Variants in RAB3C observed in about 807,000 individuals in gnomAD.
RAB3C encodes the protein RAB3C, member RAS oncogene family.
Under a neutral mutation model 26.4 loss-of-function variants are expected in RAB3C, and 17 were observed. That is an observed-to-expected ratio of 0.64 (90% CI 0.44 to 0.97). The LOEUF is 0.97. RAB3C is among the 50% of genes least tolerant of loss of function. The pLI is 0.00. For missense variants in RAB3C, 242 were observed against 281.9 expected (o/e 0.86, Z 1.01); for synonymous variants, 91 against 95.9 (o/e 0.95, Z 0.30).
Position 58,673,924 on chromosome 5 carries a change from T to C in RAB3C, c.253-52078T>C, listed in dbSNP as rs114034243. Among the ~76,000 whole-genome samples the C allele has an allele frequency of 3.3e-3, 500 of 152,222 alleles. 1 individual carries two copies. The highest frequency in any genetic ancestry group is 0.011 in the African/African-American group (451 of 41,532). Reference sequence around the variant, plus strand: ...CACCAGCACATGCACATAAGAAACATAGAGAAATATATGTCATATATAGAA... The same window carrying C: ...CACCAGCACATGCACATAAGAAACACAGAGAAATATATGTCATATATAGAA... On this transcript the variant is annotated intron_variant, in intron 2 of 4. Coordinates refer to ENST00000282878, the MANE Select transcript of RAB3C (RefSeq NM_138453.4).
At chr5:58,593,427 A>G (rs982391148) in intron 1 of RAB3C, among the ~76,000 whole-genome samples, 9 of 152,212 alleles carry the variant, frequency 5.9e-5, no homozygotes, top group African/African-American at 1.7e-4. Flanking sequence ...AATGTAAATA[A>G]TAACATTAGT....
At chr5:58,827,280 G>A (rs1474959047) in intron 4 of RAB3C, among the ~76,000 whole-genome samples, 1 of 152,202 alleles carries the variant, frequency 6.6e-6, no homozygotes, top group Non-Finnish European at 1.5e-5. Context: ...GTCTTCCTGT[G>A]TTTTCTTAAC....
chr5:58,657,515 A>G (rs1046727945), intron 2 of RAB3C, among the ~76,000 whole-genome samples: 1 of 152,324 alleles, frequency 6.6e-6, no homozygotes, highest in South Asian at 2.1e-4. Context: ...AGAGAGCAGC[A>G]GTACAATAGC....
chr5:58,710,599 A>AAAATATATAAATAAATAAATAAAT (rs369239366), intron 2 of RAB3C, among the ~76,000 whole-genome samples: 1 of 135,580 alleles, frequency 7.4e-6, no homozygotes, highest in African/African-American at 3.1e-5. Flanking sequence ...ACTCTGTCTC[A>AAAATATATAAATAAATAAATAAAT]AAATAAATAA....
intron 2 of RAB3C, among the ~76,000 whole-genome samples, chr5:58,722,204 G>A (rs1740785590): frequency 6.6e-6 from 1 of 151,826 alleles, no homozygotes; most frequent in African/African-American, 2.4e-5. Context: ...AAGGAAGAGA[G>A]AGATAAAGTC....
chr5:58,697,388 A>G (rs1165078630), intron 2 of RAB3C, among the ~76,000 whole-genome samples: 1 of 152,168 alleles, frequency 6.6e-6, no homozygotes, highest in African/African-American at 2.4e-5. Context: ...GCTGAGAAGA[A>G]TGTATATTCT....
At chr5:58,771,880 C>G (rs1265919457) in intron 3 of RAB3C, among the ~76,000 whole-genome samples, 1 of 141,718 alleles carries the variant, frequency 7.1e-6, no homozygotes, top group Non-Finnish European at 1.5e-5. Context: ...TTTTTCCTGG[C>G]AGAGGTTAAT....
At chr5:58,584,520 A>G (rs1442158855) in intron 1 of RAB3C, among the ~76,000 whole-genome samples, 1 of 152,214 alleles carries the variant, frequency 6.6e-6, no homozygotes, top group Admixed American at 6.5e-5. Flanking sequence ...CAATAAAGGT[A>G]CAGGCTGTTG....
chr5:58,830,594 C>CT (rs772455474), intron 4 of RAB3C, among the ~76,000 whole-genome samples: 20 of 152,152 alleles, frequency 1.3e-4, no homozygotes, highest in Admixed American at 3.9e-4. Flanking sequence ...TTTGGGAACT[C>CT]TAAGATTCTC....
At chr5:58,836,614 A>G (rs1025720838) in intron 4 of RAB3C, among the ~76,000 whole-genome samples, 2 of 152,060 alleles carry the variant, frequency 1.3e-5, no homozygotes, top group Admixed American at 6.5e-5. Flanking sequence ...TAGCTTCCCC[A>G]TGTGATTGAA....
intron 2 of RAB3C, among the ~76,000 whole-genome samples, chr5:58,644,159 T>C (rs1747469958): frequency 6.6e-6 from 1 of 152,156 alleles, no homozygotes; most frequent in African/African-American, 2.4e-5. Flanking sequence ...ACTGGCCCTC[T>C]ATGACATAAT....
At chr5:58,822,838 C>T (rs557978291) in intron 3 of RAB3C, 10 of 632,398 alleles carry the variant, frequency 1.6e-5, no homozygotes, top group Non-Finnish European at 2.1e-5. Flanking sequence ...ACGGGCTTCT[C>T]GGTAGGTTTG....
intron 2 of RAB3C, among the ~76,000 whole-genome samples, chr5:58,623,480 C>T (rs1033542443): frequency 2.6e-5 from 4 of 152,222 alleles, no homozygotes; most frequent in Admixed American, 6.5e-5. Context: ...TTTGTATGCT[C>T]TTTTCCCCCA....
Position 58,849,548 on chromosome 5 carries a change from G to T in RAB3C, c.497-1616G>T, listed in dbSNP as rs1208562214. Among the ~76,000 whole-genome samples, 3 of 152,238 alleles carry T rather than the reference G, an allele frequency of 2.0e-5. No individual in the cohort carries two copies. The East Asian group carries it at 5.8e-4, about 29-fold the overall frequency. Reference sequence around the variant, plus strand: ...GGCCTTATCTGCAGATTTTTAAAATGTAGACTATAAGAGAGCCATATAAGC... The same window carrying T: ...GGCCTTATCTGCAGATTTTTAAAATTTAGACTATAAGAGAGCCATATAAGC... On this transcript the variant is annotated intron_variant, in intron 4 of 4. Coordinates refer to ENST00000282878, the MANE Select transcript of RAB3C (RefSeq NM_138453.4).
chr5:58,584,241 C>T (rs1421919922), intron 1 of RAB3C, among the ~76,000 whole-genome samples: 1 of 152,186 alleles, frequency 6.6e-6, no homozygotes, highest in African/African-American at 2.4e-5. Flanking sequence ...CTTCATGAAT[C>T]AAGGACTTTA....
At chr5:58,773,122 G>C (rs935696457) in intron 3 of RAB3C, among the ~76,000 whole-genome samples, 1 of 152,178 alleles carries the variant, frequency 6.6e-6, no homozygotes, top group Non-Finnish European at 1.5e-5. Flanking sequence ...CCAACAGTGG[G>C]ATAAGCCAAC....
Position 58,825,038 on chromosome 5 carries a change from G to A in RAB3C, c.372G>A (p.Trp124Ter). 6.3e-7 allele frequency: 1 copy of A among 1,599,150 alleles called. No individual in the cohort carries two copies. Among genetic ancestry groups the A allele is most frequent in the Non-Finnish European group, 8.5e-7 (1 of 1,172,380 alleles). ...GTCATGCTTCTTCTTTTTCTTTTAGGTCAACTCAAATCAAAACATACTCTT... is the reference window on the plus strand; with the variant it reads ...GTCATGCTTCTTCTTTTTCTTTTAGATCAACTCAAATCAAAACATACTCTT... ...NEESFNAVQD[W>*]STQIKTYSWD... The change falls in exon 4 of 5, where the codon TGG (tryptophan) becomes TGA (stop). Residue 124 changes from tryptophan (W) to a stop codon, truncating the protein, a stop_gained and splice_region_variant. Coordinates refer to ENST00000282878, the MANE Select transcript of RAB3C (RefSeq NM_138453.4). LOFTEE classifies it high-confidence loss of function.
At chr5:58,834,362 T>C (rs1204300854) in intron 4 of RAB3C, among the ~76,000 whole-genome samples, 2 of 152,122 alleles carry the variant, frequency 1.3e-5, no homozygotes, top group African/African-American at 4.8e-5. Flanking sequence ...AGGATGATGG[T>C]TTTTTCCTTC....
intron 3 of RAB3C, among the ~76,000 whole-genome samples, chr5:58,792,956 T>G (rs1742562688): frequency 6.6e-6 from 1 of 152,178 alleles, no homozygotes; most frequent in Non-Finnish European, 1.5e-5. Context: ...GTTTTGATTC[T>G]CATGTTTGCT....
Sources: allele counts gnomAD v4.1 joint callset (sites outside exome capture counted in the v4.1 genomes callset), GRCh38; gene constraint gnomAD v4.1.1; transcripts MANE v1.5; gene names NCBI Gene and HGNC (gene_info 2026-07-23, HGNC 2026-07-21).